IFI16: variants seen among roughly 807,000 people sequenced by gnomAD.
IFI16 encodes gamma-interferon-inducible protein 16.
A neutral mutation model predicts 68.4 loss-of-function variants in IFI16; 49 were observed. The ratio of observed to expected loss-of-function variants is 0.72; its 90% confidence interval spans 0.57 to 0.91. The LOEUF (loss-of-function observed/expected upper bound fraction) is 0.91. IFI16 is among the 40% of genes least tolerant of loss of function. The probability of loss-of-function intolerance (pLI) is 0.00; values close to 1 mark genes in which losing one functional copy is unlikely to be tolerated. For synonymous variants in IFI16, 307 were observed against 315.0 expected, an observed-to-expected ratio of 0.97 and a Z score of 0.27; for missense variants, 878 against 942.9, an observed-to-expected ratio of 0.93 and a Z score of 0.90.
At chr1:159,045,062 TC>T (rs1654893267) in intron 7 of IFI16, among the ~76,000 whole-genome samples, 1 of 151,914 alleles carries the variant, frequency 6.6e-6, no homozygotes, top group African/African-American at 2.4e-5. Context: ...GAGTATTCCA[TC>T]CCCAGACAAT....
chr1:159,049,053 T>C (rs1040021259), intron 8 of IFI16, among the ~76,000 whole-genome samples: 1 of 150,362 alleles, frequency 6.7e-6, no homozygotes, highest in Non-Finnish European at 1.5e-5. Flanking sequence ...GTGTATCTAA[T>C]TGATGAGAAA....
In IFI16 at chr1:159,051,753, G is replaced by A. The variant is rs1409458281; in HGVS notation, c.1740G>A (p.Val580=). ...EDSAQSDLKE[V]MVLNATESFV... is the part of the protein sequence containing the mutation. ...GTGCCCAGAGTGACCTCAAAGAAGT[G>A]ATGGTGCTGAACGCAACAGAATCAT... Residue 580 remains valine (V), a synonymous_variant, in exon 10 of 12, where the codon GTG becomes GTA. Coordinates refer to ENST00000295809, the MANE Select transcript of IFI16 (RefSeq NM_001376587.1). 6 of 1,613,924 alleles carry A rather than the reference G, an allele frequency of 3.7e-6. No individual in the cohort carries two copies. Among genetic ancestry groups the A allele is most frequent in the Non-Finnish European group, 5.1e-6 (6 of 1,179,912 alleles).
intron 4 of IFI16, 80 bp from the exon 5 acceptor site, chr1:159,018,149 T>G: frequency 8.2e-7 from 1 of 1,217,734 alleles, no homozygotes; most frequent in Admixed American, 2.1e-5. Context: ...GGGCCCTGTG[T>G]TATACTGAGG....
chr1:159,018,667 TGTTTC>T lies in IFI16; in HGVS notation c.972+22_972+26del, dbSNP rs567140328. Reference sequence around the variant, plus strand: ...GCTACATAAGGTAAGTCCTCAAAATTGTTTCGTTTCATTTTTCCACCAACACCTGA... The same window carrying T: ...GCTACATAAGGTAAGTCCTCAAAATTGTTTCATTTTTCCACCAACACCTGA... On this transcript the variant is annotated intron_variant, in intron 5 of 11. Transcript: ENST00000295809. 2.3e-4 allele frequency: 360 copies of T among 1,557,726 alleles called. 3 individuals are homozygous for T. The Admixed American group carries it at 5.1e-3, about 22-fold the overall frequency.
chr1:159,027,041 G>C (rs1030071654), intron 6 of IFI16, among the ~76,000 whole-genome samples: 1 of 152,134 alleles, frequency 6.6e-6, no homozygotes, highest in Non-Finnish European at 1.5e-5. Context: ...CTGATTACCT[G>C]GCTAGGACTT....
chr1:159,047,961 A>T (rs1655099346), intron 8 of IFI16, among the ~76,000 whole-genome samples: 1 of 146,766 alleles, frequency 6.8e-6, no homozygotes, highest in Non-Finnish European at 1.5e-5. Flanking sequence ...AACAAAGATT[A>T]TAATTTCATC....
chr1:159,031,961 G>GA (rs1025249856), intron 6 of IFI16, among the ~76,000 whole-genome samples: 1 of 152,104 alleles, frequency 6.6e-6, no homozygotes. Context: ...CTGATATTGG[G>GA]AAAAATAGCT....
chr1:159,051,630 T>A, intron 9 of IFI16, 49 bp from the exon 10 acceptor site: 1 of 1,456,128 alleles, frequency 6.9e-7, no homozygotes. Flanking sequence ...AGAATGACCC[T>A]GTTTTTCCTG....
chr1:159,020,392 A>G lies in IFI16; in HGVS notation c.1024A>G (p.Lys342Glu). The change falls in exon 6 of 12, where the codon AAA (lysine) becomes GAA (glutamate). Residue 342 changes from lysine (K) to glutamate (E), a missense_variant. Around this residue, in one of 4 missense-constraint regions of IFI16, gnomAD observed 443 missense variants for 421.8 expected, o/e 1.05. Coordinates refer to ENST00000295809, the MANE Select transcript of IFI16 (RefSeq NM_001376587.1). ...TIYEIQDDRG[K>E]MDVVGTGQCH... ...CTACGAAATTCAGGATGATAGAGGA[A>G]AAATGGATGTAGTGGGGACAGGACA... is the stretch of plus-strand genomic sequence containing the variant. 1 of 1,612,960 alleles carries G rather than the reference A, an allele frequency of 6.2e-7. No individual in the cohort carries two copies. The highest frequency in any genetic ancestry group is 8.5e-7 in the Non-Finnish European group (1 of 1,179,350).
Position 159,051,783 on chromosome 1 carries a change from A to G in IFI16, c.1770A>G (p.Val590=). The G allele has an allele frequency of 6.2e-7, 1 of 1,614,092 alleles. No homozygotes were observed. Among genetic ancestry groups the G allele is most frequent in the Non-Finnish European group, 8.5e-7 (1 of 1,179,924 alleles). Reference sequence around the variant, plus strand: ...TGCTGAACGCAACAGAATCATTTGTATATGAGCCCAAAGAGCAGAAGAAAA... The same window carrying G: ...TGCTGAACGCAACAGAATCATTTGTGTATGAGCCCAAAGAGCAGAAGAAAA... ...VMVLNATESF[V]YEPKEQKKMF... The change falls in exon 10 of 12, where the codon GTA becomes GTG. Residue 590 remains valine, a synonymous_variant. Coordinates refer to ENST00000295809, the MANE Select transcript of IFI16 (RefSeq NM_001376587.1).
chr1:159,009,403 G>A (rs1652404277), upstream of IFI16, among the ~76,000 whole-genome samples: 1 of 152,134 alleles, frequency 6.6e-6, no homozygotes, highest in Non-Finnish European at 1.5e-5. Flanking sequence ...TTTCATAGCA[G>A]ACATTTCCCC....
At chr1:159,030,036 A>G (rs1653907221) in intron 6 of IFI16, among the ~76,000 whole-genome samples, 1 of 151,946 alleles carries the variant, frequency 6.6e-6, no homozygotes, top group Admixed American at 6.5e-5. Context: ...GAGTTAATTC[A>G]CAAGCCTTGT....
At chr1:159,035,928 A>T (rs1371149148) in intron 7 of IFI16, among the ~76,000 whole-genome samples, 2 of 152,176 alleles carry the variant, frequency 1.3e-5, no homozygotes, top group Admixed American at 6.5e-5. Context: ...TGGTTATGGG[A>T]CTGTTTTACT....
At chr1:159,013,782 C>T (rs1174727996) in intron 1 of IFI16, among the ~76,000 whole-genome samples, 2 of 152,094 alleles carry the variant, frequency 1.3e-5, no homozygotes, top group African/African-American at 4.8e-5. Flanking sequence ...AGGTGTCCGG[C>T]ATCTTTGTGA....
At chr1:159,012,887 A>T (rs1395185674) in intron 1 of IFI16, among the ~76,000 whole-genome samples, 6 of 152,058 alleles carry the variant, frequency 3.9e-5, no homozygotes, top group Non-Finnish European at 8.8e-5. Flanking sequence ...TCCATTGAAA[A>T]TTTTTTTTGG....
In IFI16 at chr1:159,014,848, C is replaced by G. The variant is rs1189937968; in HGVS notation, c.168C>G (p.Phe56Leu). Residue 56 changes from phenylalanine to leucine, a missense_variant, in exon 2 of 12, where the codon TTC becomes TTG. By Grantham distance (22) the Phe-to-Leu change is conservative (BLOSUM62 0). Transcript: ENST00000295809. ...TTGCTGACTTGATGGAAGAAAAGTT[C>G]CGAGGTGATGCTGGTTTGGGCAAAC... ...IQIADLMEEK[F>L]RGDAGLGKLI... 7 of 1,613,778 alleles carry G rather than the reference C, an allele frequency of 4.3e-6. No homozygotes were observed. In the East Asian group the frequency reaches 1.3e-4, roughly 31 times the overall value.
At chr1:159,049,845 G>A (rs527703539) in intron 9 of IFI16, among the ~76,000 whole-genome samples, 41 of 151,704 alleles carry the variant, frequency 2.7e-4, no homozygotes, top group African/African-American at 9.0e-4. Flanking sequence ...TTTGGCTTAC[G>A]TTTTTGTTTT....
intron 11 of IFI16, among the ~76,000 whole-genome samples, chr1:159,054,598 G>GT (rs1273919987): frequency 6.6e-6 from 1 of 152,304 alleles, no homozygotes; most frequent in East Asian, 1.9e-4. Context: ...CTCATGCTGA[G>GT]TAGGAGTGAA....
chr1:159,043,430 A>C (rs1194926349), intron 7 of IFI16, among the ~76,000 whole-genome samples: 1 of 152,174 alleles, frequency 6.6e-6, no homozygotes, highest in Non-Finnish European at 1.5e-5. Flanking sequence ...GCTGCTCTGA[A>C]AGCACAAGAT....
Sources: allele counts gnomAD v4.1 joint callset (sites outside exome capture counted in the v4.1 genomes callset), GRCh38; gene constraint gnomAD v4.1.1; regional missense constraint gnomAD v4.1.1; transcripts MANE v1.5; gene names NCBI Gene and HGNC (gene_info 2026-07-23, HGNC 2026-07-21).